Variants in PRTG observed in about 807,000 individuals in gnomAD.
PRTG encodes immunoglobulin superfamily, DCC subclass, member 5.
A neutral mutation model predicts 122.5 loss-of-function variants in PRTG; 67 were observed. The observed-to-expected ratio is 0.55, with a 90% CI of 0.45 to 0.67. PRTG has a LOEUF of 0.67. PRTG is among the 30% of genes least tolerant of loss of function. The pLI, the probability that PRTG is intolerant of heterozygous loss-of-function variation, is 0.00. For synonymous variants in PRTG, 554 were observed against 501.1 expected, an observed-to-expected ratio of 1.11 and a Z score of -1.41; for missense variants, 1,435 against 1,415.4, an observed-to-expected ratio of 1.01 and a Z score of -0.22.
chr15:55,698,319 C>T (rs1273563559), intron 2 of PRTG, among the ~76,000 whole-genome samples: 1 of 152,094 alleles, frequency 6.6e-6, no homozygotes, highest in African/African-American at 2.4e-5. Context: ...TAGACAGGGT[C>T]TCTCTCTGTC....
Position 55,679,496 on chromosome 15 carries a change from T to C in PRTG, c.974-51A>G, listed in dbSNP as rs74827948. 6.5e-3 allele frequency: 9,209 copies of C among 1,422,942 alleles called. 39 individuals are homozygous for C. Among genetic ancestry groups the C allele is most frequent in the Non-Finnish European group, 8.1e-3 (8,315 of 1,029,566 alleles). The allele number at this position is 1,422,942 out of a possible 1,614,324, so 88.1% of individuals were successfully genotyped here. ...ATTTCTGTGATCCTAATAGGAATGA[T>C]GTAAAGGGTCAAGGAAGAAAACAGC... On this transcript the variant is annotated intron_variant, in intron 6 of 19. Coordinates refer to ENST00000389286, the MANE Select transcript of PRTG (RefSeq NM_173814.6).
intron 1 of PRTG, chr15:55,742,537 A>C: frequency 1.9e-5 from 6 of 322,152 alleles, no homozygotes; most frequent in Non-Finnish European, 2.3e-5. Context: ...GCGAGAAGGA[A>C]GAGACCAGAG....
At chr15:55,717,619 T>C (rs1026282727) in intron 2 of PRTG, among the ~76,000 whole-genome samples, 6 of 152,236 alleles carry the variant, frequency 3.9e-5, no homozygotes, top group Non-Finnish European at 7.3e-5. Flanking sequence ...AACTATTATG[T>C]AGTGGGACAC....
At chr15:55,693,368 A>G (rs770123059) in intron 2 of PRTG, among the ~76,000 whole-genome samples, 1 of 150,382 alleles carries the variant, frequency 6.6e-6, no homozygotes, top group African/African-American at 2.5e-5. Flanking sequence ...AGGCAGGAGA[A>G]TTGCTTGAAC....
chr15:55,646,384 A>T (rs1026588981), intron 11 of PRTG, among the ~76,000 whole-genome samples: 15 of 149,480 alleles, frequency 1.0e-4, no homozygotes, highest in African/African-American at 3.2e-4. Context: ...GTGCAGTGGC[A>T]CGATCTCAGC....
In PRTG at chr15:55,675,505, T is replaced by C; in HGVS notation, c.1546+14A>G. The stretch of plus-strand genomic sequence containing the variant: ...ATGTTCATACTGAAATGATCTAGAA[T>C]CATGTTTTCTTACCATCCTCTAGAG... On this transcript the variant is annotated intron_variant, in intron 9 of 19. Coordinates refer to ENST00000389286, the MANE Select transcript of PRTG (RefSeq NM_173814.6). 2 of 1,580,338 alleles carry C rather than the reference T, an allele frequency of 1.3e-6. No homozygotes were observed. The highest frequency in any genetic ancestry group is 1.7e-6 in the Non-Finnish European group (2 of 1,155,798).
rs1034941501 is a variant in PRTG at position 55,743,085 on chromosome 15, G to A, written c.-154C>T. On this transcript the variant is annotated 5_prime_UTR_variant, in exon 1 of 20. Coordinates refer to ENST00000389286, the MANE Select transcript of PRTG (RefSeq NM_173814.6). ...CGGCGTGGCGAGCGTCTCTGCGGCG[G>A]CGAGGCTGGTGCTCGGACGGCCGCT... The A allele has an allele frequency of 3.7e-5, 48 of 1,288,226 alleles. No individual in the cohort carries two copies. Among genetic ancestry groups the A allele is most frequent in the Non-Finnish European group, 4.5e-5 (46 of 1,022,792 alleles). 79.8% of individuals were successfully genotyped at this position (1,288,226 alleles called of 1,614,324 possible).
At chr15:55,621,344 C>T (rs36016255) in intron 18 of PRTG, among the ~76,000 whole-genome samples, 11,310 of 151,834 alleles carry the variant, frequency 0.074, 519 homozygotes, top group Non-Finnish European at 0.11. Context: ...GAGCAAGGCT[C>T]CGTCTCAAAA....
chr15:55,621,428 C>G (rs542083533), intron 18 of PRTG, among the ~76,000 whole-genome samples: 1 of 151,670 alleles, frequency 6.6e-6, no homozygotes, highest in Admixed American at 6.6e-5. Context: ...GAGGCTGAGG[C>G]GGGCGGATCA....
Position 55,703,575 on chromosome 15 carries a change from G to C in PRTG, c.398-19644C>G, listed in dbSNP as rs1473594629. 2.6e-5 allele frequency among the ~76,000 whole-genome samples: 4 copies of C among 152,174 alleles called. No individual in the cohort carries two copies. The East Asian group carries it at 7.7e-4, about 29-fold the overall frequency. ...AAAACAAGGAAAATCATACACCTCAGCAAAATAAATAGGAACAGGTTGTCA... is the reference window on the plus strand; with the variant it reads ...AAAACAAGGAAAATCATACACCTCACCAAAATAAATAGGAACAGGTTGTCA... On this transcript the variant is annotated intron_variant, in intron 2 of 19. Coordinates refer to ENST00000389286, the MANE Select transcript of PRTG (RefSeq NM_173814.6).
chr15:55,678,535 C>T (rs1299006919), intron 7 of PRTG, among the ~76,000 whole-genome samples: 2 of 152,130 alleles, frequency 1.3e-5, no homozygotes, highest in African/African-American at 4.8e-5. Context: ...CTAGAGCCAC[C>T]ATGTCTGGCT....
At chr15:55,631,702 C>G (rs138377165) in intron 15 of PRTG, among the ~76,000 whole-genome samples, 5 of 152,310 alleles carry the variant, frequency 3.3e-5, no homozygotes, top group African/African-American at 9.6e-5. Flanking sequence ...TAATTCACAT[C>G]AGTGCTGGTC....
intron 14 of PRTG, among the ~76,000 whole-genome samples, chr15:55,638,091 TAAA>T (rs2059267892): frequency 6.6e-6 from 1 of 152,202 alleles, no homozygotes; most frequent in African/African-American, 2.4e-5. Context: ...TCTAGAGACA[TAAA>T]ATATCTTAGC....
In PRTG at chr15:55,627,132, G is replaced by T; in HGVS notation, c.2807-4C>A. On this transcript the variant is annotated splice_region_variant and splice_polypyrimidine_tract_variant and intron_variant, in intron 16 of 19. Coordinates refer to ENST00000389286, the MANE Select transcript of PRTG (RefSeq NM_173814.6). ...AGATGGTAATATCCTGAATAAACTA[G>T]AAGGGAAAACACATTTACTCAGAAT... The T allele has an allele frequency of 6.4e-7, 1 of 1,572,690 alleles. No individual in the cohort carries two copies. Among genetic ancestry groups the T allele is most frequent in the East Asian group, 2.3e-5 (1 of 43,940 alleles).
At chr15:55,622,384 ATT>A (rs35166581) in intron 18 of PRTG, among the ~76,000 whole-genome samples, 101,479 of 109,312 alleles carry the variant, frequency 0.93, 47,371 homozygotes, top group East Asian at 0.98. Context: ...CACCCAGCTA[ATT>A]TTTTTTTTTT....
At chr15:55,639,897 A>G (rs2059280132) in intron 12 of PRTG, 69 bp from the exon 13 acceptor site, 1 of 1,569,326 alleles carries the variant, frequency 6.4e-7, no homozygotes, top group South Asian at 1.2e-5. Flanking sequence ...GTAAAATGGT[A>G]AAATAATAAT....
intron 15 of PRTG, 64 bp from the exon 16 acceptor site, chr15:55,629,068 C>A (rs1595603383): frequency 1.9e-6 from 2 of 1,057,056 alleles, no homozygotes; most frequent in East Asian, 4.9e-5. Context: ...TCATATTATA[C>A]AAACACGTTC....
chr15:55,730,129 T>A (rs1393808638), intron 2 of PRTG, among the ~76,000 whole-genome samples: 1 of 152,006 alleles, frequency 6.6e-6, no homozygotes, highest in African/African-American at 2.4e-5. Context: ...TGAGATGGGG[T>A]TTCTCTCCGT....
intron 11 of PRTG, among the ~76,000 whole-genome samples, chr15:55,645,999 T>G (rs2141746719): frequency 6.6e-6 from 1 of 151,984 alleles, no homozygotes; most frequent in South Asian, 2.1e-4. Flanking sequence ...ACTCCTCAAT[T>G]TATTATTTAT....
Sources: allele counts gnomAD v4.1 joint callset (sites outside exome capture counted in the v4.1 genomes callset), GRCh38; gene constraint gnomAD v4.1.1; transcripts MANE v1.5; gene names NCBI Gene and HGNC (gene_info 2026-07-23, HGNC 2026-07-21).